Variants in ZNF383 observed in about 807,000 individuals in gnomAD.
The protein encoded by ZNF383 is zinc finger protein 383.
Under a neutral mutation model 44.2 loss-of-function variants are expected in ZNF383, and 32 were observed. The ratio of observed to expected loss-of-function variants is 0.72; its 90% CI spans 0.55 to 0.97. ZNF383 has a LOEUF of 0.97. Ranked by LOEUF, ZNF383 falls within the 50% of genes least tolerant of loss-of-function variation. The pLI is 0.00. For missense variants in ZNF383, 487 were observed against 562.5 expected (o/e 0.87, Z 1.36); for synonymous variants, 155 against 186.2 (o/e 0.83, Z 1.36).
intron 5 of ZNF383, among the ~76,000 whole-genome samples, chr19:37,237,041 A>G (rs1015557411): frequency 2.6e-5 from 4 of 151,732 alleles, no homozygotes; most frequent in Non-Finnish European, 5.9e-5. Flanking sequence ...GGTCTTCATT[A>G]TAGCTGCCTG....
At position 37,229,802 on chromosome 19, in the gene ZNF383, A is replaced by ATT. The variant is rs66525453; in HGVS notation, c.-45-593_-45-592dup. ...TATGTGTGTGTATATATATATATAT[A>ATT]TTTTTTTTTTTTTTTCAATAAAACA... On this transcript the variant is annotated intron_variant, in intron 2 of 5. Transcript: ENST00000684119. Among the ~76,000 whole-genome samples, 185 of 125,346 alleles carry ATT rather than the reference A, an allele frequency of 1.5e-3. 1 individual carries two copies. In the South Asian group the frequency reaches 0.028, roughly 19 times the overall value. The allele number at this position is 125,346 out of a possible 152,430, so 82.2% of individuals were successfully genotyped here.
chr19:37,226,055 A>G (rs1235757688), intron 2 of ZNF383, among the ~76,000 whole-genome samples: 1 of 150,582 alleles, frequency 6.6e-6, no homozygotes, highest in African/African-American at 2.4e-5. Flanking sequence ...TTTAACTTCC[A>G]TTGCAATTTA....
At chr19:37,234,545 A>G (rs1208314391) in intron 3 of ZNF383, among the ~76,000 whole-genome samples, 1 of 151,868 alleles carries the variant, frequency 6.6e-6, no homozygotes, top group African/African-American at 2.4e-5. Context: ...GCCCGCCACC[A>G]CGCCTGGCTA....
At chr19:37,239,065 G>A (rs1289420865) in intron 5 of ZNF383, among the ~76,000 whole-genome samples, 2 of 152,050 alleles carry the variant, frequency 1.3e-5, no homozygotes, top group African/African-American at 4.8e-5. Context: ...GATTATAGGC[G>A]CCTGCCACTG....
At chr19:37,240,042 C>T (rs1012639435) in intron 5 of ZNF383, among the ~76,000 whole-genome samples, 2 of 151,948 alleles carry the variant, frequency 1.3e-5, no homozygotes, top group African/African-American at 2.4e-5. Context: ...GCCTGTAGTC[C>T]CAGCTACTTG....
intron 5 of ZNF383, among the ~76,000 whole-genome samples, chr19:37,241,440 G>A (rs1164425270): frequency 6.6e-6 from 1 of 152,208 alleles, no homozygotes; most frequent in East Asian, 1.9e-4. Context: ...GAACTGGACA[G>A]TTTCCATGCC....
rs1974254620 is a variant in ZNF383 at position 37,243,700 on chromosome 19, TA to T, written c.*39del. 1 of 1,407,254 alleles carries T rather than the reference TA, an allele frequency of 7.1e-7. No homozygotes were observed. Among genetic ancestry groups the T allele is most frequent in the South Asian group, 1.6e-5 (1 of 62,800 alleles). 87.2% of individuals were successfully genotyped at this position (1,407,254 alleles called of 1,614,324 possible). A position where few individuals can be genotyped will look rare whatever the true frequency, so the allele number is the denominator to read the frequency against. On this transcript the variant is annotated 3_prime_UTR_variant, in exon 6 of 6. Transcript: ENST00000684119. ...AGCCCCTGTCACCTTCCTCATATTT[TA>T]AACCAAAAATCATGTCTAATAGTTA...
intron 2 of ZNF383, among the ~76,000 whole-genome samples, chr19:37,228,183 T>G (rs925961183): frequency 1.3e-5 from 2 of 152,228 alleles, no homozygotes; most frequent in Non-Finnish European, 1.5e-5. Context: ...ACAGGTGCCT[T>G]CCCAGGTACT....
chr19:37,241,554 T>C (rs115133410), intron 5 of ZNF383, among the ~76,000 whole-genome samples: 2,237 of 152,242 alleles, frequency 0.015, 63 homozygotes, highest in African/African-American at 0.051. Flanking sequence ...TGAGGTTTTA[T>C]TACACAGGCA....
intron 5 of ZNF383, among the ~76,000 whole-genome samples, chr19:37,236,994 CAG>C (rs374523029): frequency 2.5e-4 from 35 of 142,148 alleles, no homozygotes; most frequent in African/African-American, 5.3e-4. Flanking sequence ...CACACACACA[CAG>C]AGACACACAC....
At chr19:37,228,981 G>A (rs986890038) in intron 2 of ZNF383, among the ~76,000 whole-genome samples, 2 of 151,894 alleles carry the variant, frequency 1.3e-5, no homozygotes, top group African/African-American at 4.8e-5. Context: ...AGCTGTTAAA[G>A]ACTCTATCAC....
chr19:37,219,028 G>A (rs1160445092), intron 1 of ZNF383, among the ~76,000 whole-genome samples: 2 of 152,098 alleles, frequency 1.3e-5, no homozygotes, highest in African/African-American at 2.4e-5. Context: ...GTAGATGTGG[G>A]ACAATGATTG....
chr19:37,239,078 C>T (rs1973956857), intron 5 of ZNF383, among the ~76,000 whole-genome samples: 1 of 152,142 alleles, frequency 6.6e-6, no homozygotes. Flanking sequence ...TGCCACTGCG[C>T]CCGGCTCATT....
chr19:37,235,957 C>G (rs1973770019), intron 4 of ZNF383, 22 bp from the exon 5 acceptor site: 3 of 1,597,000 alleles, frequency 1.9e-6, no homozygotes, highest in Non-Finnish European at 2.6e-6. Context: ...TAACCATGTT[C>G]CATATCTTTT....
chr19:37,230,352 TTTCTAGAGGGTTTTAC>T (rs1973422879), intron 2 of ZNF383, 41 bp from the exon 3 acceptor site: 2 of 1,267,792 alleles, frequency 1.6e-6, no homozygotes, highest in African/African-American at 3.0e-5. Flanking sequence ...TCTAGTGTGA[TTTCTAGAGGGTTTTAC>T]TTCCCCAGTC....
At chr19:37,224,078 A>G (rs1259319886) in intron 1 of ZNF383, among the ~76,000 whole-genome samples, 3 of 151,990 alleles carry the variant, frequency 2.0e-5, no homozygotes, top group South Asian at 4.1e-4. Flanking sequence ...TTAATGATCT[A>G]TGTATTCATC....
chr19:37,242,055 T>TATAGTATCTATACTATATATAGTATAG (rs1555784686), intron 5 of ZNF383, among the ~76,000 whole-genome samples: 14,553 of 66,696 alleles, frequency 0.22, 1,515 homozygotes, highest in South Asian at 0.38. Flanking sequence ...AGATACTATA[T>TATAGTATCTATACTATATATAGTATAG]ATACTATATA....
intron 3 of ZNF383, 143 bp from the exon 4 acceptor site, chr19:37,235,406 G>T: frequency 1.3e-6 from 1 of 778,704 alleles, no homozygotes; most frequent in Non-Finnish European, 2.0e-6. Flanking sequence ...TCCTACTCTT[G>T]CATCTATTTC....
chr19:37,231,643 C>G (rs1973490998), intron 3 of ZNF383, among the ~76,000 whole-genome samples: 2 of 152,170 alleles, frequency 1.3e-5, no homozygotes, highest in South Asian at 2.1e-4. Context: ...GGACATAACA[C>G]AGACCAAGAG....
Sources: gnomAD v4.1 joint callset for allele counts (sites outside exome capture counted in the v4.1 genomes callset) on GRCh38, gnomAD v4.1.1 for gene constraint, MANE v1.5 for transcripts, NCBI Gene and HGNC (gene_info 2026-07-23, HGNC 2026-07-21) for gene names.